The following WNK3 variants were observed in gnomAD, a reference collection of about 807,000 sequenced individuals.
WNK3 encodes the protein serine/threonine-protein kinase WNK3.
WNK3 carries 18 observed loss-of-function variants against 116.7 expected under a neutral mutation model. The observed-to-expected ratio is 0.15, with a 90% CI of 0.11 to 0.23. WNK3 has a LOEUF of 0.23. WNK3 is among the 10% of genes least tolerant of loss of function. The probability of loss-of-function intolerance (pLI) is 1.00; values close to 1 mark genes in which losing one functional copy is unlikely to be tolerated. For missense variants in WNK3, 993 were observed against 1,323.8 expected (o/e 0.75, Z 3.88); for synonymous variants, 404 against 469.4 (o/e 0.86, Z 1.80).
intron 22 of WNK3, among the ~76,000 whole-genome samples, chrX:54,209,956 C>T (rs1557143436): frequency 9.0e-6 from 1 of 111,512 alleles, no homozygotes; most frequent in African/African-American, 3.3e-5. Flanking sequence ...CATTAAAGGA[C>T]CTAAGAAATT....
chrX:54,198,660 AAAAC>A lies in WNK3; in HGVS notation c.5074-11_5074-8del, dbSNP rs782640508. 3 of 1,134,011 alleles carry A rather than the reference AAAAC, an allele frequency of 2.6e-6. No individual in the cohort carries two copies. Among genetic ancestry groups the A allele is most frequent in the Non-Finnish European group, 3.5e-6 (3 of 850,754 alleles). The allele number at this position is 1,134,011 out of a possible 1,213,427, so 93.5% of individuals were successfully genotyped here. On this transcript the variant is annotated splice_polypyrimidine_tract_variant and splice_region_variant and intron_variant, in intron 23 of 23. Transcript: ENST00000354646. The stretch of plus-strand genomic sequence containing the variant: ...CCATAGTAGACGGAGTATTCTAAGA[AAAAC>A]AAAAATAAAAACAAAAGATCAGTTT...
chrX:54,355,466 A>AC lies in WNK3; in HGVS notation c.-120+2219dup, dbSNP rs1488042493. Among the ~76,000 whole-genome samples the AC allele has an allele frequency of 3.6e-5, 4 of 110,942 alleles. No individual in the cohort carries two copies. In the Admixed American group the frequency reaches 3.9e-4, roughly 11 times the overall value. ...GTATGATAGAACTCTAAAGAGGGGG[A>AC]CCTAACCTAGCTTGGTGGAGGATGC... On this transcript the variant is annotated intron_variant, in intron 1 of 23. Transcript: ENST00000354646.
intron 1 of WNK3, among the ~76,000 whole-genome samples, chrX:54,346,290 A>AG (rs2147321028): frequency 9.7e-6 from 1 of 102,625 alleles, no homozygotes; most frequent in African/African-American, 3.5e-5. Flanking sequence ...AAAAAAAAAA[A>AG]AAAAAAAAAA....
chrX:54,259,127 A>C (rs1285278893), intron 11 of WNK3, 147 bp downstream of exon 11: 1 of 328,615 alleles, frequency 3.0e-6, no homozygotes, highest in Non-Finnish European at 5.2e-6. Context: ...AGCAAAAAAA[A>C]AAAAAAAAAC....
At chrX:54,338,786 G>A (rs2069278679) in intron 1 of WNK3, among the ~76,000 whole-genome samples, 1 of 109,057 alleles carries the variant, frequency 9.2e-6, no homozygotes, top group Non-Finnish European at 1.9e-5. Context: ...TGGATCACCT[G>A]AGGTCAGGAG....
exon 2 of WNK3, chrX:54,333,279 T>G: frequency 1.7e-6 from 2 of 1,211,467 alleles, no homozygotes; most frequent in Non-Finnish European, 2.2e-6. Context: ...CATTTCTGCT[T>G]CTTCTTCCAT....
At chrX:54,310,998 A>T (rs1172004780) in intron 3 of WNK3, 121 bp downstream of exon 3, 1 of 487,400 alleles carries the variant, frequency 2.1e-6, no homozygotes, top group Non-Finnish European at 3.3e-6. Flanking sequence ...TTACAGGTGT[A>T]GCCACTGCGC....
At chrX:54,296,485 AT>A (rs2068699807) in intron 7 of WNK3, among the ~76,000 whole-genome samples, 1 of 110,769 alleles carries the variant, frequency 9.0e-6, no homozygotes, top group Non-Finnish European at 1.9e-5. Context: ...GACCCAGCTA[AT>A]CCCATGTCCC....
At chrX:54,273,108 G>C (rs1271235199) in intron 10 of WNK3, among the ~76,000 whole-genome samples, 3 of 111,784 alleles carry the variant, frequency 2.7e-5, no homozygotes, top group Non-Finnish European at 5.6e-5. Flanking sequence ...TGAAACCCCT[G>C]CTTCTAGTTG....
intron 23 of WNK3, among the ~76,000 whole-genome samples, chrX:54,201,656 T>C (rs1379909625): frequency 1.8e-5 from 2 of 111,707 alleles, no homozygotes; most frequent in Admixed American, 1.9e-4. Flanking sequence ...ACCACCTCTT[T>C]TTGTAAATAA....
chrX:54,281,493 T>A (rs907825808), intron 10 of WNK3, among the ~76,000 whole-genome samples: 6 of 110,380 alleles, frequency 5.4e-5, no homozygotes, highest in East Asian at 2.8e-4. Flanking sequence ...CAAAAAAAAA[T>A]TTTTTTTCAA....
chrX:54,240,730 G>C (rs1266430846), intron 17 of WNK3, among the ~76,000 whole-genome samples: 1 of 111,263 alleles, frequency 9.0e-6, no homozygotes, highest in South Asian at 3.8e-4. Flanking sequence ...AAAGATGAGT[G>C]GTAGGCTAGA....
intron 10 of WNK3, among the ~76,000 whole-genome samples, chrX:54,290,873 C>A (rs2068630008): frequency 9.0e-6 from 1 of 111,486 alleles, no homozygotes; most frequent in African/African-American, 3.3e-5. Flanking sequence ...AATCAAATTT[C>A]TTGCTTATGT....
At chrX:54,289,127 G>A (rs2068610973) in intron 10 of WNK3, among the ~76,000 whole-genome samples, 1 of 111,691 alleles carries the variant, frequency 9.0e-6, no homozygotes, top group African/African-American at 3.2e-5. Context: ...AGCAGAGGTT[G>A]CACTAGATAA....
chrX:54,215,521 C>T (rs782728100), intron 22 of WNK3, among the ~76,000 whole-genome samples: 1 of 112,404 alleles, frequency 8.9e-6, no homozygotes, highest in East Asian at 2.8e-4. Flanking sequence ...AGTGCAGTGG[C>T]GTGATCTCCG....
At chrX:54,198,572 G>T in exon 24 of WNK3, 1 of 1,210,423 alleles carries the variant, frequency 8.3e-7, no homozygotes, top group East Asian at 3.0e-5. Context: ...AGTCCTTGTG[G>T]CAAGGAAGTT....
chrX:54,345,573 T>A (rs1432732931), intron 1 of WNK3, among the ~76,000 whole-genome samples: 1 of 109,927 alleles, frequency 9.1e-6, no homozygotes, highest in Non-Finnish European at 1.9e-5. Flanking sequence ...TCCCAGATCC[T>A]TAGGAGTTGA....
At chrX:54,204,490 A>G (rs2067532762) in intron 22 of WNK3, among the ~76,000 whole-genome samples, 1 of 112,222 alleles carries the variant, frequency 8.9e-6, no homozygotes, top group African/African-American at 3.2e-5. Context: ...ATTCACATAT[A>G]CAAGAGTTTT....
intron 2 of WNK3, among the ~76,000 whole-genome samples, chrX:54,326,957 T>C (rs1177787407): frequency 9.0e-6 from 1 of 111,319 alleles, no homozygotes; most frequent in Non-Finnish European, 1.9e-5. Flanking sequence ...CTAGGAAGTC[T>C]GAGCGGGGAA....
Sources: gnomAD v4.1 joint callset for allele counts (sites outside exome capture counted in the v4.1 genomes callset) on GRCh38, gnomAD v4.1.1 for gene constraint, MANE v1.5 for transcripts, NCBI Gene and HGNC (gene_info 2026-07-23, HGNC 2026-07-21) for gene names.